The following ATP2C1 variants were observed in gnomAD, a reference collection of about 807,000 sequenced individuals.
ATP2C1 encodes ATPase secretory pathway Ca2+ transporting 1, also known as calcium-transporting ATPase type 2C member 1.
A neutral mutation model predicts 120.5 loss-of-function variants in ATP2C1; 31 were observed. That is an observed-to-expected ratio of 0.26 (90% CI 0.19 to 0.35). ATP2C1 has a LOEUF of 0.35. ATP2C1 is among the 10% of genes least tolerant of loss of function. ATP2C1 has a pLI of 1.00. For missense variants in ATP2C1, 731 were observed against 1,107.5 expected (o/e 0.66, Z 4.83); for synonymous variants, 351 against 358.7 (o/e 0.98, Z 0.24).
chr3:130,909,276 A>G (rs1283141590), intron 2 of ATP2C1, among the ~76,000 whole-genome samples: 1 of 152,214 alleles, frequency 6.6e-6, no homozygotes, highest in African/African-American at 2.4e-5. Flanking sequence ...CCCACCCCAT[A>G]TAGAAATGGC....
At chr3:130,969,259 G>A (rs1252723543) in intron 16 of ATP2C1, 33 bp from the exon 17 acceptor site, 3 of 1,446,180 alleles carry the variant, frequency 2.1e-6, no homozygotes, top group East Asian at 2.3e-5. Context: ...ATCACATATA[G>A]GTGAGAATTA....
chr3:130,871,230 G>A (rs1331950242), intron 1 of ATP2C1, among the ~76,000 whole-genome samples: 1 of 152,170 alleles, frequency 6.6e-6, no homozygotes, highest in Non-Finnish European at 1.5e-5. Flanking sequence ...CTTTATTGTG[G>A]TGGTCTCAAA....
chr3:130,948,778 G>T (rs1466507825), intron 8 of ATP2C1, among the ~76,000 whole-genome samples: 1 of 152,098 alleles, frequency 6.6e-6, no homozygotes, highest in East Asian at 1.9e-4. Context: ...CAACAGCATG[G>T]TGCTTACTTT....
intron 17 of ATP2C1, among the ~76,000 whole-genome samples, chr3:130,971,815 G>T (rs1419725712): frequency 2.0e-5 from 3 of 152,112 alleles, no homozygotes; most frequent in Admixed American, 1.3e-4. Flanking sequence ...AAGAGTAGAG[G>T]GTAGGATTAA....
chr3:130,893,505 T>C (rs1161528279), upstream of ATP2C1, among the ~76,000 whole-genome samples: 1 of 151,950 alleles, frequency 6.6e-6, no homozygotes, highest in African/African-American at 2.4e-5. Context: ...CAAGTGAGAG[T>C]GCGAGACTCG....
At chr3:130,878,457 C>G (rs2068678816) in intron 1 of ATP2C1, among the ~76,000 whole-genome samples, 1 of 151,846 alleles carries the variant, frequency 6.6e-6, no homozygotes, top group African/African-American at 2.4e-5. Context: ...CTTTTTCTGT[C>G]TTATTTTTGT....
At chr3:130,970,050 G>C (rs115237061) in intron 17 of ATP2C1, among the ~76,000 whole-genome samples, 4,106 of 152,292 alleles carry the variant, frequency 0.027, 189 homozygotes, top group African/African-American at 0.093. Flanking sequence ...GGATGCGGTA[G>C]CTCACGCCTG....
At chr3:130,986,371 TG>T (rs2062014224) in intron 20 of ATP2C1, among the ~76,000 whole-genome samples, 2 of 152,160 alleles carry the variant, frequency 1.3e-5, no homozygotes, top group Admixed American at 1.3e-4. Flanking sequence ...ATGCTAAAGG[TG>T]GTGAAACTTT....
intron 1 of ATP2C1, among the ~76,000 whole-genome samples, chr3:130,862,699 C>T (rs1353928269): frequency 6.6e-6 from 1 of 152,170 alleles, no homozygotes; most frequent in East Asian, 1.9e-4. Context: ...AGGGATATTC[C>T]TGTATGTCAT....
At chr3:130,953,238 A>G (rs2060445254) in intron 8 of ATP2C1, among the ~76,000 whole-genome samples, 1 of 151,986 alleles carries the variant, frequency 6.6e-6, no homozygotes, top group Non-Finnish European at 1.5e-5. Context: ...GCCCTGTTGC[A>G]GAGTTGGAAG....
chr3:130,985,628 C>T (rs1369199612), intron 20 of ATP2C1, among the ~76,000 whole-genome samples: 1 of 151,180 alleles, frequency 6.6e-6, no homozygotes, highest in Non-Finnish European at 1.5e-5. Context: ...GAGCAAGACT[C>T]CTTCCCCCAC....
intron 20 of ATP2C1, among the ~76,000 whole-genome samples, chr3:130,980,936 G>A (rs1283530762): frequency 6.6e-6 from 1 of 152,192 alleles, no homozygotes; most frequent in African/African-American, 2.4e-5. Flanking sequence ...GAAAAGTACT[G>A]TGGAAATTAA....
At chr3:130,862,478 G>A (rs1216374470) in intron 1 of ATP2C1, among the ~76,000 whole-genome samples, 1 of 152,046 alleles carries the variant, frequency 6.6e-6, no homozygotes, top group East Asian at 1.9e-4. Flanking sequence ...ACCGCACTTG[G>A]CTGATTTTTT....
chr3:130,880,155 C>G (rs190745347), intron 1 of ATP2C1, among the ~76,000 whole-genome samples: 22 of 152,306 alleles, frequency 1.4e-4, no homozygotes, highest in African/African-American at 5.3e-4. Context: ...GTTCCCTTTA[C>G]TCACCTCAAA....
At chr3:130,985,237 A>C (rs2061945760) in intron 20 of ATP2C1, among the ~76,000 whole-genome samples, 1 of 152,230 alleles carries the variant, frequency 6.6e-6, no homozygotes, top group African/African-American at 2.4e-5. Context: ...TCTATAACTT[A>C]CGCTTCCAGT....
intron 21 of ATP2C1, among the ~76,000 whole-genome samples, chr3:130,993,290 G>A (rs984838114): frequency 6.6e-6 from 1 of 152,136 alleles, no homozygotes; most frequent in Non-Finnish European, 1.5e-5. Flanking sequence ...TCATCCCAGC[G>A]TAAATAGCAG....
At chr3:130,997,862 T>C in intron 25 of ATP2C1, 109 bp downstream of exon 25, 3 of 1,139,110 alleles carry the variant, frequency 2.6e-6, no homozygotes, top group Non-Finnish European at 3.9e-6. Flanking sequence ...AGGGAGCTCT[T>C]TTAGTGAAAA....
In ATP2C1 at chr3:130,894,310, C is replaced by A. The variant is rs1365972997; in HGVS notation, c.-208C>A. On this transcript the variant is annotated 5_prime_UTR_variant, in exon 1 of 28. Coordinates refer to ENST00000510168, the MANE Select transcript of ATP2C1 (RefSeq NM_001378687.1). This position sits in a 1 kb window ranked among gnomAD's most constrained non-coding sequence, Gnocchi z 4.5. The stretch of plus-strand genomic sequence containing the variant: ...GAGCCCCGCGGCTGAGACCCCGCAG[C>A]CTGGAGGAGGGCTGTCCGGGGCTTT... 1.7e-5 allele frequency: 17 copies of A among 988,348 alleles called. No individual in the cohort carries two copies. The East Asian group carries it at 1.6e-3, about 91-fold the overall frequency. The allele number at this position is 988,348 out of a possible 1,614,324, so 61.2% of individuals were successfully genotyped here.
At chr3:130,992,808 T>C in intron 20 of ATP2C1, 143 bp from the exon 21 acceptor site, 1 of 685,136 alleles carries the variant, frequency 1.5e-6, no homozygotes, top group South Asian at 1.6e-5. Flanking sequence ...AACAAACATA[T>C]GTCATATTGC....
Sources: gnomAD v4.1 joint callset for allele counts (sites outside exome capture counted in the v4.1 genomes callset) on GRCh38, gnomAD v4.1.1 for gene constraint, Gnocchi (gnomAD v3.1) non-coding constraint, MANE v1.5 for transcripts, NCBI Gene and HGNC (gene_info 2026-07-23, HGNC 2026-07-21) for gene names.